Variants in TRRAP observed in about 807,000 individuals in gnomAD.
TRRAP encodes the protein transformation/transcription domain-associated protein.
Under a neutral mutation model 438.8 loss-of-function variants are expected in TRRAP, and 41 were observed. The ratio of observed to expected loss-of-function variants is 0.09; its 90% confidence interval spans 0.07 to 0.12. The LOEUF is 0.12. TRRAP is among the 10% of genes least tolerant of loss of function. TRRAP has a pLI of 1.00. For synonymous variants in TRRAP, 1,994 were observed against 1,962.9 expected (o/e 1.02, Z -0.42); for missense variants, 3,122 against 5,055.1 (o/e 0.62, Z 11.60).
chr7:99,005,046 A>C lies in TRRAP; in HGVS notation c.10536-85A>C. The C allele has an allele frequency of 7.2e-7, 1 of 1,394,084 alleles. No individual in the cohort carries two copies. The highest frequency in any genetic ancestry group is 2.3e-5 in the East Asian group (1 of 43,730). The allele number at this position is 1,394,084 out of a possible 1,614,324, so 86.4% of individuals were successfully genotyped here. On this transcript the variant is annotated intron_variant, in intron 68 of 72. Coordinates refer to ENST00000456197, the MANE Select transcript of TRRAP (RefSeq NM_001375524.1). This position sits in a 1 kb window ranked among gnomAD's most constrained non-coding sequence, Gnocchi z 5.1. ...CCTACACAGTCCGTTTTCCCGTGAC[A>C]GTTCGGACATTCCTAGCTTCTTCTC...
intron 25 of TRRAP, among the ~76,000 whole-genome samples, 156 bp downstream of exon 25, chr7:98,930,986 C>G (rs1790298395): frequency 4.6e-5 from 7 of 152,198 alleles, no homozygotes; most frequent in Admixed American, 4.6e-4. Flanking sequence ...AAGGACAGCT[C>G]AGAGCTCCCA....
chr7:99,007,492 G>GCTATCCTTTATTT (rs1554431130), intron 69 of TRRAP, among the ~76,000 whole-genome samples: 1 of 151,758 alleles, frequency 6.6e-6, no homozygotes, highest in Non-Finnish European at 1.5e-5. Flanking sequence ...GGGACTACAG[G>GCTATCCTTTATTT]TGCGCACCAC....
rs1340251131 is a variant in TRRAP at position 98,961,489 on chromosome 7, C to T, written c.6703+15C>T. 1.9e-6 allele frequency: 3 copies of T among 1,610,920 alleles called. No individual in the cohort carries two copies. The highest frequency in any genetic ancestry group is 2.2e-5 in the East Asian group (1 of 44,818). ...AACAGAGCCGAGTATGTGACCTTTC[C>T]CACCGGTGCTTTTCTTTCAAAGTGG... On this transcript the variant is annotated intron_variant, in intron 46 of 72. Coordinates refer to ENST00000456197, the MANE Select transcript of TRRAP (RefSeq NM_001375524.1).
At position 98,965,787 on chromosome 7, in the gene TRRAP, C is replaced by T; in HGVS notation, c.7068C>T (p.Ala2356=). ...SMEMRKNFIQ[A]ILTSLIEKSP... is the part of the protein sequence containing the mutation. The stretch of plus-strand genomic sequence containing the variant: ...AGATGCGGAAGAACTTCATCCAGGC[C>T]ATCCTGACATCCCTCATCGAAAAAT... The change falls in exon 49 of 73, where the codon GCC becomes GCT. Residue 2356 remains alanine, a synonymous_variant. Transcript: ENST00000456197. The T allele has an allele frequency of 6.2e-7, 1 of 1,614,086 alleles. No individual in the cohort carries two copies. Among genetic ancestry groups the T allele is most frequent in the Non-Finnish European group, 8.5e-7 (1 of 1,180,016 alleles).
chr7:98,910,732 A>G, intron 16 of TRRAP, 125 bp downstream of exon 16: 1 of 791,562 alleles, frequency 1.3e-6, no homozygotes, highest in South Asian at 1.9e-5. Context: ...TTGTATACCC[A>G]GATGTGTTTT....
chr7:98,893,989 T>C, intron 6 of TRRAP, 108 bp downstream of exon 6: 2 of 948,786 alleles, frequency 2.1e-6, no homozygotes, highest in Non-Finnish European at 3.3e-6. Context: ...TTTTCAAGTG[T>C]AGAAATACAG....
intron 39 of TRRAP, among the ~76,000 whole-genome samples, chr7:98,952,401 A>T (rs1184341417): frequency 6.6e-6 from 1 of 152,192 alleles, no homozygotes; most frequent in Non-Finnish European, 1.5e-5. Flanking sequence ...CATCTCAACT[A>T]CTTGGAAATT....
chr7:98,879,364 G>A (rs1430091723), intron 1 of TRRAP, among the ~76,000 whole-genome samples: 2 of 152,240 alleles, frequency 1.3e-5, no homozygotes, highest in African/African-American at 4.8e-5. Context: ...GGACTAGGGA[G>A]GTTCTTAGGC....
At chr7:98,953,664 G>A (rs111469708) in intron 40 of TRRAP, among the ~76,000 whole-genome samples, 140 of 152,342 alleles carry the variant, frequency 9.2e-4, no homozygotes, top group Non-Finnish European at 1.7e-3. Flanking sequence ...TGGGGAGCGA[G>A]TATTGAATGG....
In TRRAP at chr7:98,990,535, C is replaced by A. The variant is rs1446101667; in HGVS notation, c.9672C>A (p.Pro3224=). 1 of 1,614,064 alleles carries A rather than the reference C, an allele frequency of 6.2e-7. No individual in the cohort carries two copies. The highest frequency in any genetic ancestry group is 8.5e-7 in the Non-Finnish European group (1 of 1,180,006). The change falls in exon 64 of 73, where the codon CCC becomes CCA. Residue 3224 remains proline, a synonymous_variant. Transcript: ENST00000456197. ...AVDKYCIGVP[P]IQWLAWIPQL... ...ACAAGTACTGCATTGGTGTGCCACC[C>A]ATCCAGTGGCTGGCCTGGATCCCAC...
Position 98,994,944 on chromosome 7 carries a change from G to C in TRRAP, c.10309+96G>C. 3 of 1,516,262 alleles carry C rather than the reference G, an allele frequency of 2.0e-6. No homozygotes were observed. Among genetic ancestry groups the C allele is most frequent in the Non-Finnish European group, 2.7e-6 (3 of 1,120,538 alleles). 93.9% of individuals were successfully genotyped at this position (1,516,262 alleles called of 1,614,324 possible). On this transcript the variant is annotated intron_variant, in intron 67 of 72. Transcript: ENST00000456197. The surrounding 1 kb of genome is among the most constrained non-coding windows in gnomAD (Gnocchi z 4.8). ...AAGCTGATTGGATCCTTGGTTTTCTGATCACTGCACGGGGCACACTGGTTA... is the reference window on the plus strand; with the variant it reads ...AAGCTGATTGGATCCTTGGTTTTCTCATCACTGCACGGGGCACACTGGTTA...
rs1554408882 is a variant in TRRAP at position 98,912,114 on chromosome 7, G to A, written c.2100G>A (p.Met700Ile). 6 of 1,614,158 alleles carry A rather than the reference G, an allele frequency of 3.7e-6. No individual in the cohort carries two copies. In the South Asian group the frequency reaches 6.6e-5, roughly 18 times the overall value. Residue 700 changes from methionine to isoleucine, a missense_variant, in exon 18 of 73, where the codon ATG becomes ATA. Met to Ile is a conservative substitution (Grantham distance 10, BLOSUM62 1). Transcript: ENST00000456197. ...ATCTCCTTGATCGCCTGCCAGAAAT[G>A]GGCTCCAACGTGGAGCTCTCCAACC... Reference protein sequence around the residue: ...VEYLLDRLPEMGSNVELSNLY... With the variant: ...VEYLLDRLPEIGSNVELSNLY...
rs1311810603 is a variant in TRRAP, at chr7:98,992,153, C to A, written c.9773C>A (p.Pro3258His). ...TCTGAGCAGGTTGGACGCGTGTATC[C>A]CCAAGCGGTCTACTTTCCCATCCGG... The part of the protein sequence containing the change: ...NLISQVGRVY[P>H]QAVYFPIRTL... Residue 3258 changes from proline (P) to histidine (H), a missense_variant, in exon 65 of 73, where the codon CCC (proline) becomes CAC (histidine). Coordinates refer to ENST00000456197, the MANE Select transcript of TRRAP (RefSeq NM_001375524.1). The A allele has an allele frequency of 6.2e-7, 1 of 1,614,092 alleles. No homozygotes were observed. Among genetic ancestry groups the A allele is most frequent in the African/African-American group, 1.3e-5 (1 of 74,932 alleles).
chr7:98,962,456 G>A, intron 47 of TRRAP, 29 bp downstream of exon 47: 1 of 1,613,530 alleles, frequency 6.2e-7, no homozygotes, highest in South Asian at 1.1e-5. Flanking sequence ...TGGTGTTCGT[G>A]GTGGCTCAGT....
At position 98,910,086 on chromosome 7, in the gene TRRAP, C is replaced by A; in HGVS notation, c.1381C>A (p.Arg461=). The A allele has an allele frequency of 6.4e-7, 1 of 1,557,534 alleles. No homozygotes were observed. Among genetic ancestry groups the A allele is most frequent in the Non-Finnish European group, 8.7e-7 (1 of 1,153,200 alleles). Residue 461 remains arginine, a synonymous_variant, in exon 15 of 73, where the codon CGG becomes AGG. Transcript: ENST00000456197. ...CGTTCTCAAATTCCACACAATTGCT[C>A]GGTACCAGCTCTCTGCCATTTTTAA... ...VFVLKFHTIA[R]YQLSAIFKKC... is the part of the protein sequence containing the mutation.
At chr7:99,009,973 C>T (rs891318601) in intron 70 of TRRAP, among the ~76,000 whole-genome samples, 7 of 151,218 alleles carry the variant, frequency 4.6e-5, no homozygotes, top group Middle Eastern at 3.2e-3. Context: ...CCGCATCCTC[C>T]GCCTCCTGGG....
chr7:99,002,560 TTGG>T (rs927343246), intron 67 of TRRAP, among the ~76,000 whole-genome samples: 1 of 152,196 alleles, frequency 6.6e-6, no homozygotes, highest in Non-Finnish European at 1.5e-5. Flanking sequence ...GCCTGCGTCC[TTGG>T]TGGTGGCCTC....
intron 23 of TRRAP, among the ~76,000 whole-genome samples, chr7:98,928,375 C>T (rs1229256005): frequency 1.3e-5 from 2 of 152,308 alleles, no homozygotes; most frequent in Admixed American, 1.3e-4. Context: ...GTAGCACTGC[C>T]CAGTTGGTGT....
At chr7:98,885,449 C>A (rs12155122) in intron 3 of TRRAP, among the ~76,000 whole-genome samples, 1 of 151,912 alleles carries the variant, frequency 6.6e-6, no homozygotes, top group African/African-American at 2.4e-5. Flanking sequence ...CCCTAGCTTC[C>A]GTAAGGTCTT....
Sources: allele counts gnomAD v4.1 joint callset (sites outside exome capture counted in the v4.1 genomes callset), GRCh38; gene constraint gnomAD v4.1.1; non-coding constraint Gnocchi (gnomAD v3.1); transcripts MANE v1.5; gene names NCBI Gene and HGNC (gene_info 2026-07-23, HGNC 2026-07-21).